The following CEMIP variants were observed in gnomAD, a reference collection of about 807,000 sequenced individuals.
The protein encoded by CEMIP is cell migration-inducing and hyaluronan-binding protein.
In CEMIP, 105 loss-of-function variants were observed where a neutral mutation model predicts 156.9. The ratio of observed to expected loss-of-function variants is 0.67; its 90% confidence interval spans 0.57 to 0.79. CEMIP has a LOEUF of 0.79. Among genes scored for constraint, CEMIP ranks in the 30% least tolerant of loss-of-function variants. The probability of loss-of-function intolerance (pLI) is 0.00; values close to 1 mark genes in which losing one functional copy is unlikely to be tolerated. For missense variants in CEMIP, 1,457 were observed against 1,769.4 expected, an observed-to-expected ratio of 0.82 and a Z score of 3.17; for synonymous variants, 676 against 668.4, an observed-to-expected ratio of 1.01 and a Z score of -0.17.
At chr15:80,820,754 GT>G (rs1357403153) in intron 1 of CEMIP, among the ~76,000 whole-genome samples, 3 of 152,190 alleles carry the variant, frequency 2.0e-5, no homozygotes, top group Non-Finnish European at 4.4e-5. Flanking sequence ...TCAAACCTCA[GT>G]TTTCTCACCT....
intron 1 of CEMIP, among the ~76,000 whole-genome samples, chr15:80,809,781 G>A (rs955580344): frequency 4.6e-5 from 7 of 152,158 alleles, no homozygotes; most frequent in Admixed American, 3.9e-4. Context: ...TTGTTAGCTG[G>A]GGGCTGCTGT....
intron 14 of CEMIP, among the ~76,000 whole-genome samples, chr15:80,916,594 T>A (rs1900283377): frequency 6.6e-6 from 1 of 152,086 alleles, no homozygotes. Context: ...TGTCTATCCA[T>A]CTATCTATAT....
At chr15:80,797,244 C>A (rs1049471677) in intron 1 of CEMIP, among the ~76,000 whole-genome samples, 3 of 152,160 alleles carry the variant, frequency 2.0e-5, no homozygotes, top group Non-Finnish European at 4.4e-5. Context: ...AAATAGAGTA[C>A]AATGTGTATT....
chr15:80,861,225 A>AGGCTGCACTCCTATTCCCCTCCC (rs1897979341), intron 1 of CEMIP, among the ~76,000 whole-genome samples: 1 of 152,134 alleles, frequency 6.6e-6, no homozygotes, highest in East Asian at 1.9e-4. Flanking sequence ...AGAGACCTCC[A>AGGCTGCACTCCTATTCCCCTCCC]GGCTGCACTC....
At chr15:80,872,664 A>T (rs926662190) in intron 1 of CEMIP, among the ~76,000 whole-genome samples, 2 of 152,074 alleles carry the variant, frequency 1.3e-5, no homozygotes, top group Non-Finnish European at 2.9e-5. Flanking sequence ...AAAATACAAA[A>T]ATTAGCCAGG....
chr15:80,908,890 C>A (rs1395196843), intron 13 of CEMIP, among the ~76,000 whole-genome samples: 1 of 152,246 alleles, frequency 6.6e-6, no homozygotes, highest in Non-Finnish European at 1.5e-5. Context: ...ACAATGTCCT[C>A]TGTCATTAGC....
At chr15:80,824,144 C>T (rs1374840959) in intron 1 of CEMIP, among the ~76,000 whole-genome samples, 2 of 152,186 alleles carry the variant, frequency 1.3e-5, no homozygotes, top group Admixed American at 1.3e-4. Flanking sequence ...ACCGTGAAGG[C>T]ACACTGGGGG....
intron 1 of CEMIP, among the ~76,000 whole-genome samples, chr15:80,810,753 T>C (rs1406899185): frequency 3.3e-5 from 5 of 152,056 alleles, no homozygotes; most frequent in African/African-American, 1.2e-4. Context: ...CCCACTAGTC[T>C]CTCCATCTAC....
intron 1 of CEMIP, among the ~76,000 whole-genome samples, chr15:80,836,844 A>G (rs976525432): frequency 6.6e-6 from 1 of 152,240 alleles, no homozygotes; most frequent in Non-Finnish European, 1.5e-5. Context: ...GTAGGAAGTT[A>G]TAAGTGATAT....
intron 28 of CEMIP, among the ~76,000 whole-genome samples, chr15:80,944,516 C>T (rs927614082): frequency 2.6e-5 from 4 of 152,132 alleles, no homozygotes; most frequent in African/African-American, 9.7e-5. Flanking sequence ...ATAGTAGGTG[C>T]TTAGTAAACA....
chr15:80,867,355 G>A (rs1898157769), intron 1 of CEMIP, among the ~76,000 whole-genome samples: 1 of 152,234 alleles, frequency 6.6e-6, no homozygotes, highest in African/African-American at 2.4e-5. Flanking sequence ...TTAGGAATTA[G>A]AAGCACAGTT....
intron 1 of CEMIP, among the ~76,000 whole-genome samples, chr15:80,796,008 T>C (rs886851664): frequency 2.4e-4 from 36 of 152,352 alleles, no homozygotes; most frequent in African/African-American, 8.7e-4. Context: ...AATTTATTAT[T>C]GCAGTAACAC....
chr15:80,803,034 G>A (rs1276145274), intron 1 of CEMIP, among the ~76,000 whole-genome samples: 1 of 152,190 alleles, frequency 6.6e-6, no homozygotes, highest in Non-Finnish European at 1.5e-5. Context: ...CAGGATGCCA[G>A]CATGGTTGGG....
At chr15:80,842,092 A>G (rs1235183509) in intron 1 of CEMIP, 1 of 530,212 alleles carries the variant, frequency 1.9e-6, no homozygotes, top group Non-Finnish European at 3.9e-6. Flanking sequence ...ATGTGATGCC[A>G]GGTTCTCAAC....
chr15:80,816,841 T>C (rs1327891633), intron 1 of CEMIP, among the ~76,000 whole-genome samples: 1 of 152,064 alleles, frequency 6.6e-6, no homozygotes, highest in Non-Finnish European at 1.5e-5. Flanking sequence ...AATGAATACT[T>C]GTGATTAGGA....
intron 1 of CEMIP, among the ~76,000 whole-genome samples, chr15:80,864,613 G>A (rs1229012027): frequency 6.6e-6 from 1 of 152,288 alleles, no homozygotes; most frequent in African/African-American, 2.4e-5. Flanking sequence ...ACAACTGAGC[G>A]GACAGAGGCT....
chr15:80,915,567 T>A (rs976796440), intron 14 of CEMIP, among the ~76,000 whole-genome samples: 1 of 152,122 alleles, frequency 6.6e-6, no homozygotes, highest in South Asian at 2.1e-4. Flanking sequence ...GGGTAAGAGA[T>A]GGGAGGGAGA....
intron 1 of CEMIP, among the ~76,000 whole-genome samples, chr15:80,812,024 C>T (rs888695734): frequency 4.6e-5 from 7 of 151,624 alleles, no homozygotes; most frequent in African/African-American, 1.7e-4. Flanking sequence ...TAGGGAGGGG[C>T]TTTCTCTGTA....
rs761479132 is a variant in CEMIP, at chr15:80,887,700, T to G, written c.804T>G (p.Pro268=). 3 of 1,611,962 alleles carry G rather than the reference T, an allele frequency of 1.9e-6. No individual in the cohort carries two copies. In the South Asian group the frequency reaches 3.3e-5, roughly 18 times the overall value. Residue 268 remains proline (P), a synonymous_variant, in exon 8 of 30, where the codon CCT becomes CCG. Transcript: ENST00000394685. ...ATGTTTTTCTTTTTTTCAGACACCC[T>G]TGGAGTTTTCTAACTGTGAAAGGAA... ...KHFLHLGFRH[P]WSFLTVKGNP...
Sources: allele counts gnomAD v4.1 joint callset (sites outside exome capture counted in the v4.1 genomes callset), GRCh38; gene constraint gnomAD v4.1.1; transcripts MANE v1.5; gene names NCBI Gene and HGNC (gene_info 2026-07-23, HGNC 2026-07-21).